The following ABTB2 variants were observed in gnomAD, a reference collection of about 807,000 sequenced individuals.
The protein encoded by ABTB2 is ankyrin repeat and BTB domain containing 2.
Under a neutral mutation model 104.1 loss-of-function variants are expected in ABTB2, and 56 were observed. The observed-to-expected ratio is 0.54, with a 90% CI of 0.43 to 0.67. The LOEUF is 0.67. Among genes scored for constraint, ABTB2 ranks in the 30% least tolerant of loss-of-function variants. The pLI, the probability that ABTB2 is intolerant of heterozygous loss-of-function variation, is 0.00. For missense variants in ABTB2, 1,279 were observed against 1,407.7 expected, an observed-to-expected ratio of 0.91 and a Z score of 1.46; for synonymous variants, 606 against 608.2, an observed-to-expected ratio of 1.00 and a Z score of 0.05.
intron 6 of ABTB2, among the ~76,000 whole-genome samples, 195 bp from the exon 7 acceptor site, chr11:34,167,555 C>A (rs775081479): frequency 6.6e-5 from 10 of 152,126 alleles, no homozygotes; most frequent in Non-Finnish European, 1.3e-4. Context: ...CAAAAGAGGG[C>A]AGATGGGGAG....
chr11:34,259,176 C>T (rs901920810), intron 1 of ABTB2, among the ~76,000 whole-genome samples: 2 of 152,192 alleles, frequency 1.3e-5, no homozygotes, highest in South Asian at 4.1e-4. Flanking sequence ...AGGTATGTCT[C>T]TCCACCCTAG....
In ABTB2 at chr11:34,159,922, C is replaced by T. The variant is rs1422415961; in HGVS notation, c.2590G>A (p.Val864Met). The change falls in exon 13 of 17, where the codon GTG (valine) becomes ATG (methionine). Residue 864 changes from valine to methionine, a missense_variant. Transcript: ENST00000435224. Reference sequence around the variant, plus strand: ...GCTGCCTACCTGTTAGAAGCTGTCACCAGCAGGACTTTATGTGCATAAAAC... The same window carrying T: ...GCTGCCTACCTGTTAGAAGCTGTCATCAGCAGGACTTTATGTGCATAAAAC... ...KLFYAHKVLL[V>M]TASNRFKTLM... The T allele has an allele frequency of 1.9e-6, 3 of 1,613,668 alleles. No individual in the cohort carries two copies. Among genetic ancestry groups the T allele is most frequent in the African/African-American group, 2.7e-5 (2 of 74,938 alleles).
chr11:34,286,940 G>C (rs948736541), intron 1 of ABTB2, among the ~76,000 whole-genome samples: 1 of 152,168 alleles, frequency 6.6e-6, no homozygotes, highest in Non-Finnish European at 1.5e-5. Context: ...CCGGGGCTGG[G>C]GGAGGGAAGG....
intron 3 of ABTB2, among the ~76,000 whole-genome samples, chr11:34,174,412 A>G (rs904774272): frequency 1.3e-5 from 2 of 152,020 alleles, no homozygotes; most frequent in African/African-American, 2.4e-5. Context: ...GGGTCCGAGT[A>G]TCACTAAGAG....
At chr11:34,244,346 A>G (rs1342244165) in intron 1 of ABTB2, among the ~76,000 whole-genome samples, 3 of 152,242 alleles carry the variant, frequency 2.0e-5, no homozygotes, top group East Asian at 1.9e-4. Flanking sequence ...GCTGACCGAT[A>G]GTGGGAAAAG....
chr11:34,151,947 C>T lies in ABTB2; in HGVS notation c.*440G>A, dbSNP rs1175578595. On this transcript the variant is annotated 3_prime_UTR_variant, in exon 17 of 17. Transcript: ENST00000435224. Reference sequence around the variant, plus strand: ...TGAATTACTGCAGACGACTGGGGGCCTAGGCAGTATGCATTCTATACATTC... The same window carrying T: ...TGAATTACTGCAGACGACTGGGGGCTTAGGCAGTATGCATTCTATACATTC... The T allele has an allele frequency of 5.9e-6, 1 of 168,542 alleles. No individual in the cohort carries two copies. The highest frequency in any genetic ancestry group is 1.3e-5 in the Non-Finnish European group (1 of 78,214). The allele number at this position is 168,542 out of a possible 1,614,324, so 10.4% of individuals were successfully genotyped here.
In ABTB2 at chr11:34,239,697, G is replaced by A. The variant is rs73495540; in HGVS notation, c.884-35007C>T. On this transcript the variant is annotated intron_variant, in intron 1 of 16. Transcript: ENST00000435224. ...CAAGACACAGCTATGCAAACAGACT[G>A]CAAGACAGGCCTTTCTGTGTAGCCC... 9.5e-4 allele frequency among the ~76,000 whole-genome samples: 144 copies of A among 152,274 alleles called. 1 individual carries two copies. The highest frequency in any genetic ancestry group is 3.2e-3 in the African/African-American group (135 of 41,548).
In ABTB2 at chr11:34,159,311, C is replaced by G. The variant is rs1412519793; in HGVS notation, c.2682G>C (p.Lys894Asn). 9 of 1,613,664 alleles carry G rather than the reference C, an allele frequency of 5.6e-6. No homozygotes were observed. Among genetic ancestry groups the G allele is most frequent in the Non-Finnish European group, 7.6e-6 (9 of 1,179,758 alleles). The change falls in exon 14 of 17, where the codon AAG becomes AAC. Residue 894 changes from lysine to asparagine, a missense_variant. Physicochemically the swap from Lys to Asn is moderately conservative, Grantham distance 94. Coordinates refer to ENST00000435224, the MANE Select transcript of ABTB2 (RefSeq NM_145804.3). ...ACCCACACACCTGAAAAATGTGGTA[C>G]TTCATGTCGCTGATCTCGATGGTCT... ...SSKTIEISDMKYHIFQMMMQY... is the reference protein window; with the variant it reads ...SSKTIEISDMNYHIFQMMMQY...
chr11:34,271,190 T>C (rs1040526736), intron 1 of ABTB2, among the ~76,000 whole-genome samples: 8 of 152,124 alleles, frequency 5.3e-5, no homozygotes, highest in Non-Finnish European at 1.0e-4. Flanking sequence ...AAATAGAAAA[T>C]AAGTCCTTGC....
chr11:34,312,502 C>T (rs1854869424), intron 1 of ABTB2, among the ~76,000 whole-genome samples: 1 of 152,188 alleles, frequency 6.6e-6, no homozygotes, highest in Non-Finnish European at 1.5e-5. Context: ...GGATACGCAG[C>T]TTCGGAACCC....
chr11:34,349,245 G>C (rs1237629610), intron 1 of ABTB2, among the ~76,000 whole-genome samples: 2 of 152,162 alleles, frequency 1.3e-5, no homozygotes, highest in Non-Finnish European at 2.9e-5. Flanking sequence ...ATTGCTCTCT[G>C]GGGGCCTGGA....
chr11:34,343,811 G>A (rs1438702609), intron 1 of ABTB2, among the ~76,000 whole-genome samples: 1 of 152,076 alleles, frequency 6.6e-6, no homozygotes, highest in Non-Finnish European at 1.5e-5. Context: ...TAATACTAAC[G>A]TGAATCTAGG....
At chr11:34,197,613 C>G in intron 2 of ABTB2, 75 bp from the exon 3 acceptor site, 1 of 1,075,714 alleles carries the variant, frequency 9.3e-7, no homozygotes, top group Non-Finnish European at 1.3e-6. Flanking sequence ...AGCCTGCATT[C>G]TTCCAAGGAT....
At chr11:34,192,682 C>T (rs1417568114) in intron 3 of ABTB2, among the ~76,000 whole-genome samples, 1 of 152,222 alleles carries the variant, frequency 6.6e-6, no homozygotes, top group Non-Finnish European at 1.5e-5. Context: ...GCTCTGTGGA[C>T]CAGTGGCCCT....
intron 1 of ABTB2, among the ~76,000 whole-genome samples, chr11:34,315,626 T>C (rs12281193): frequency 0.17 from 25,893 of 152,158 alleles, 3,662 homozygotes; most frequent in African/African-American, 0.38. Flanking sequence ...GCCCCAATCA[T>C]AGCTCACCCT....
At chr11:34,293,123 C>T (rs1564925596) in intron 1 of ABTB2, among the ~76,000 whole-genome samples, 1 of 152,140 alleles carries the variant, frequency 6.6e-6, no homozygotes, top group Admixed American at 6.5e-5. Flanking sequence ...AGTTGACAGG[C>T]TGGCTCACAG....
rs543415219 is a variant in ABTB2 at position 34,272,721 on chromosome 11, A to C, written c.884-68031T>G. Among the ~76,000 whole-genome samples, 257 of 150,132 alleles carry C rather than the reference A, an allele frequency of 1.7e-3. 2 individuals are homozygous for C. Among genetic ancestry groups the C allele is most frequent in the African/African-American group, 5.9e-3 (242 of 40,744 alleles). ...GACTCCGTCTCAAAAAAAAAAAAAA[A>C]AAAAAAAAAACCAACCAACCATACA... On this transcript the variant is annotated intron_variant, in intron 1 of 16. Transcript: ENST00000435224.
At chr11:34,175,381 A>G (rs1590207731) in intron 3 of ABTB2, among the ~76,000 whole-genome samples, 1 of 152,274 alleles carries the variant, frequency 6.6e-6, no homozygotes. Flanking sequence ...GAACACCTAC[A>G]TTAGCCTACA....
chr11:34,247,209 G>T (rs945423786), intron 1 of ABTB2, among the ~76,000 whole-genome samples: 1 of 152,158 alleles, frequency 6.6e-6, no homozygotes, highest in African/African-American at 2.4e-5. Flanking sequence ...TTGGCCTGTT[G>T]GCTGGTGGAG....
Sources: gnomAD v4.1 joint callset for allele counts (sites outside exome capture counted in the v4.1 genomes callset) on GRCh38, gnomAD v4.1.1 for gene constraint, MANE v1.5 for transcripts, NCBI Gene and HGNC (gene_info 2026-07-23, HGNC 2026-07-21) for gene names.